Variants in RPS6KA4 observed in about 807,000 individuals in gnomAD.
The protein encoded by RPS6KA4 is ribosomal protein S6 kinase alpha-4.
Under a neutral mutation model 89.6 loss-of-function variants are expected in RPS6KA4, and 38 were observed. That is an observed-to-expected ratio of 0.42 (90% CI 0.33 to 0.56). The LOEUF (loss-of-function observed/expected upper bound fraction) is 0.56. RPS6KA4 is among the 20% of genes least tolerant of loss of function. The pLI is 0.07. For synonymous variants in RPS6KA4, 495 were observed against 492.8 expected, an observed-to-expected ratio of 1.00 and a Z score of -0.06; for missense variants, 873 against 1,098.8, an observed-to-expected ratio of 0.79 and a Z score of 2.90.
chr11:64,368,439 TTC>T (rs2036948160), intron 10 of RPS6KA4, 27 bp from the exon 11 acceptor site: 2 of 1,542,164 alleles, frequency 1.3e-6, no homozygotes, highest in Non-Finnish European at 1.7e-6. Context: ...ACGCGCCGCC[TTC>T]GCCTTCGCCT....
Position 64,368,769 on chromosome 11 carries a change from T to C in RPS6KA4, c.1400T>C (p.Val467Ala). 6.4e-7 allele frequency: 1 copy of C among 1,570,666 alleles called. No homozygotes were observed. The highest frequency in any genetic ancestry group is 8.6e-7 in the Non-Finnish European group (1 of 1,158,740). Residue 467 changes from valine (V) to alanine (A), a missense_variant, in exon 12 of 17, where the codon GTG (valine) becomes GCG (alanine). Around this residue, in one of 4 missense-constraint regions of RPS6KA4, gnomAD observed 542 missense variants for 736.4 expected, o/e 0.74. Transcript: ENST00000334205. ...LRLCQSHPNV[V>A]NLHEVHHDQL... Reference sequence around the variant, plus strand: ...CTGTGCCAGTCACACCCCAACGTGGTGAATCTGCACGAGGTGCATCACGAC... The same window carrying C: ...CTGTGCCAGTCACACCCCAACGTGGCGAATCTGCACGAGGTGCATCACGAC...
rs775711071 is a variant in RPS6KA4, at chr11:64,370,144, G to A, written c.1798-81G>A. The A allele has an allele frequency of 1.4e-4, 202 of 1,456,844 alleles. No individual in the cohort carries two copies. The highest frequency in any genetic ancestry group is 1.7e-4 in the Non-Finnish European group (184 of 1,092,462). The allele number at this position is 1,456,844 out of a possible 1,614,324, so 90.2% of individuals were successfully genotyped here. A position where few individuals can be genotyped will look rare whatever the true frequency, so the allele number is the denominator to read the frequency against. Reference sequence around the variant, plus strand: ...TCTCAGGAGTGCCCCTAGTGGGGAGGGTGAGTGGTTCTGTGGGAGCGGAGG... The same window carrying A: ...TCTCAGGAGTGCCCCTAGTGGGGAGAGTGAGTGGTTCTGTGGGAGCGGAGG... On this transcript the variant is annotated intron_variant, in intron 14 of 16. Transcript: ENST00000334205. This position sits in a 1 kb window ranked among gnomAD's most constrained non-coding sequence, Gnocchi z 4.1.
chr11:64,362,226 C>T (rs376377419), intron 8 of RPS6KA4, among the ~76,000 whole-genome samples: 3 of 152,244 alleles, frequency 2.0e-5, no homozygotes, highest in East Asian at 3.8e-4. Context: ...TTGGGGCTGT[C>T]AGGGATTTGA....
chr11:64,361,996 C>T lies in RPS6KA4; in HGVS notation c.900C>T (p.Phe300=). ...CACAAGAAGTCCGGAACCATCCCTT[C>T]TTCCAGGTGAGGCTGACTCAGGGCC... ...QGAQEVRNHP[F]FQGLDWVALA... The change falls in exon 8 of 17, where the codon TTC becomes TTT. Residue 300 remains phenylalanine (F), a synonymous_variant. Coordinates refer to ENST00000334205, the MANE Select transcript of RPS6KA4 (RefSeq NM_003942.3). This position sits in a 1 kb window ranked among gnomAD's most constrained non-coding sequence, Gnocchi z 4.7. 1 of 1,608,998 alleles carries T rather than the reference C, an allele frequency of 6.2e-7. No homozygotes were observed. Among genetic ancestry groups the T allele is most frequent in the Non-Finnish European group, 8.5e-7 (1 of 1,178,452 alleles).
intron 8 of RPS6KA4, among the ~76,000 whole-genome samples, chr11:64,363,898 C>A (rs138089238): frequency 4.3e-3 from 652 of 152,198 alleles, no homozygotes; most frequent in South Asian, 8.3e-3. Context: ...GCTACATCGA[C>A]AAAAAGTCCA....
At chr11:64,366,670 C>T (rs1380069712) in intron 9 of RPS6KA4, among the ~76,000 whole-genome samples, 2 of 152,160 alleles carry the variant, frequency 1.3e-5, no homozygotes, top group African/African-American at 4.8e-5. Context: ...ACTTGCTGCT[C>T]CTGCTACCTG....
intron 11 of RPS6KA4, 41 bp from the exon 12 acceptor site, chr11:64,368,663 C>T (rs2036959443): frequency 1.3e-6 from 2 of 1,571,374 alleles, no homozygotes; most frequent in Non-Finnish European, 1.7e-6. Flanking sequence ...GGGGCGGGGC[C>T]GAAGCGCGGC....
intron 8 of RPS6KA4, 125 bp from the exon 9 acceptor site, chr11:64,365,176 C>G: frequency 9.0e-7 from 1 of 1,108,144 alleles, no homozygotes; most frequent in Non-Finnish European, 1.3e-6. Context: ...GGAGGAACAG[C>G]TGCCCACCCC....
At chr11:64,369,410 G>A (rs749086608) in intron 12 of RPS6KA4, 36 bp from the exon 13 acceptor site, 2 of 1,541,092 alleles carry the variant, frequency 1.3e-6, no homozygotes, top group Non-Finnish European at 1.7e-6. Flanking sequence ...GCCGCCGTGG[G>A]TGGGTGTTGA....
Position 64,370,853 on chromosome 11 carries a change from C to T in RPS6KA4, c.2121+127C>T, listed in dbSNP as rs894843323. 3.2e-6 allele frequency: 4 copies of T among 1,234,646 alleles called. No individual in the cohort carries two copies. The highest frequency in any genetic ancestry group is 5.9e-5 in the Admixed American group (2 of 34,074). 76.5% of individuals were successfully genotyped at this position (1,234,646 alleles called of 1,614,324 possible). A position where few individuals can be genotyped will look rare whatever the true frequency, so the allele number is the denominator to read the frequency against. ...GGGCGCGGTGGCTCACGCCTGTAAT[C>T]CCAGCGCTTTGGGAGGCCGAGGCGG... On this transcript the variant is annotated intron_variant, in intron 16 of 16. Coordinates refer to ENST00000334205, the MANE Select transcript of RPS6KA4 (RefSeq NM_003942.3). The surrounding 1 kb of genome is among the most constrained non-coding windows in gnomAD (Gnocchi z 4.1).
At position 64,368,570 on chromosome 11, in the gene RPS6KA4, C is replaced by G; in HGVS notation, c.1303C>G (p.Gln435Glu). The change falls in exon 11 of 17, where the codon CAG becomes GAG. Residue 435 changes from glutamine (Q) to glutamate (E), a missense_variant. By Grantham distance (29) the Gln-to-Glu change is conservative. Coordinates refer to ENST00000334205, the MANE Select transcript of RPS6KA4 (RefSeq NM_003942.3). ...CRRCRQRQSG[Q>E]EFAVKILSRR... ...CCGCTGCCGCCAGCGCCAGAGCGGC[C>G]AGGAGTTCGCAGTCAAGATCCTCAG... 6.3e-6 allele frequency: 10 copies of G among 1,599,694 alleles called. No homozygotes were observed. The highest frequency in any genetic ancestry group is 8.5e-6 in the Non-Finnish European group (10 of 1,175,624).
intron 2 of RPS6KA4, chr11:64,359,810 C>A (rs60286097): frequency 2.9e-4 from 155 of 530,916 alleles, no homozygotes; most frequent in African/African-American, 2.8e-3. Flanking sequence ...CGCATCCCTT[C>A]CCCAGCCAGG....
Position 64,361,708 on chromosome 11 carries a change from C to A in RPS6KA4, c.718C>A (p.Leu240Met). Residue 240 changes from leucine to methionine, a missense_variant, in exon 7 of 17, where the codon CTG (leucine) becomes ATG (methionine). Transcript: ENST00000334205. This position sits in a 1 kb window ranked among gnomAD's most constrained non-coding sequence, Gnocchi z 4.7. ...ELLTGASPFTLEGERNTQAEV... is the reference protein window; with the variant it reads ...ELLTGASPFTMEGERNTQAEV... ...GCTGACGGGGGCCTCGCCCTTCACCCTGGAGGGCGAGAGGAACACGCAGGC... is the reference window on the plus strand; with the variant it reads ...GCTGACGGGGGCCTCGCCCTTCACCATGGAGGGCGAGAGGAACACGCAGGC... 6.2e-7 allele frequency: 1 copy of A among 1,610,548 alleles called. No individual in the cohort carries two copies. Among genetic ancestry groups the A allele is most frequent in the Non-Finnish European group, 8.5e-7 (1 of 1,179,152 alleles).
In RPS6KA4 at chr11:64,370,748, A is replaced by C; in HGVS notation, c.2121+22A>C. The C allele has an allele frequency of 6.6e-7, 1 of 1,511,584 alleles. No individual in the cohort carries two copies. The highest frequency in any genetic ancestry group is 2.3e-5 in the East Asian group (1 of 42,612). The allele number at this position is 1,511,584 out of a possible 1,614,324, so 93.6% of individuals were successfully genotyped here. A position where few individuals can be genotyped will look rare whatever the true frequency, so the allele number is the denominator to read the frequency against. The stretch of plus-strand genomic sequence containing the variant: ...CATGGTAAGGGGCAGGGTCTGTTGA[A>C]GGGAAGGGGTGGGCGAAGCCTCGAG... On this transcript the variant is annotated intron_variant, in intron 16 of 16. Transcript: ENST00000334205. This position sits in a 1 kb window ranked among gnomAD's most constrained non-coding sequence, Gnocchi z 4.1.
intron 8 of RPS6KA4, among the ~76,000 whole-genome samples, chr11:64,364,697 A>G (rs1181260468): frequency 6.6e-6 from 1 of 150,624 alleles, no homozygotes; most frequent in Non-Finnish European, 1.5e-5. Flanking sequence ...CTTAGATTTA[A>G]GTCCAGCAGG....
At chr11:64,362,025 T>C in intron 8 of RPS6KA4, 23 bp downstream of exon 8, 1 of 1,599,556 alleles carries the variant, frequency 6.3e-7, no homozygotes, top group Non-Finnish European at 8.5e-7. Context: ...CAGGGCCCCA[T>C]ACCTCCTGGT....
chr11:64,368,241 C>T lies in RPS6KA4; in HGVS notation c.1181C>T (p.Ala394Val). Residue 394 changes from alanine (A) to valine (V), a missense_variant, in exon 10 of 17, where the codon GCC becomes GTC. Around this residue, in one of 4 missense-constraint regions of RPS6KA4, gnomAD observed 542 missense variants for 736.4 expected, o/e 0.74. Coordinates refer to ENST00000334205, the MANE Select transcript of RPS6KA4 (RefSeq NM_003942.3). ...AGDRPGRAAV[A>V]RSAMMQDSPF... ...GACCGGCCAGGTCGGGCAGCGGTGGCCAGGAGCGCTATGATGCAGGTGGGC... is the reference window on the plus strand; with the variant it reads ...GACCGGCCAGGTCGGGCAGCGGTGGTCAGGAGCGCTATGATGCAGGTGGGC... The T allele has an allele frequency of 6.2e-7, 1 of 1,613,348 alleles. No homozygotes were observed. The highest frequency in any genetic ancestry group is 8.5e-7 in the Non-Finnish European group (1 of 1,180,002).
Position 64,370,248 on chromosome 11 carries a change from C to A in RPS6KA4, c.1821C>A (p.Val607=). 1.3e-6 allele frequency: 2 copies of A among 1,570,804 alleles called. No individual in the cohort carries two copies. Among genetic ancestry groups the A allele is most frequent in the Admixed American group, 2.2e-5 (1 of 46,508 alleles). ...AGTACATGATGCTGTCGGGGCAGGTCCCCTTCCAGGGGGCCTCTGGCCAGG... is the reference window on the plus strand; with the variant it reads ...AGTACATGATGCTGTCGGGGCAGGTACCCTTCCAGGGGGCCTCTGGCCAGG... The part of the protein sequence containing the change: ...VILYMMLSGQ[V]PFQGASGQGG... The change falls in exon 15 of 17, where the codon GTC becomes GTA. Residue 607 remains valine (V), a synonymous_variant. Transcript: ENST00000334205. This position sits in a 1 kb window ranked among gnomAD's most constrained non-coding sequence, Gnocchi z 4.1.
rs1383087661 is a variant in RPS6KA4 at position 64,359,248 on chromosome 11, G to A, written c.13G>A (p.Asp5Asn). The change falls in exon 1 of 17, where the codon GAC becomes AAC. Residue 5 changes from aspartate (D) to asparagine (N), a missense_variant. Physicochemically the swap from Asp to Asn is conservative, Grantham distance 23. This residue lies in a region of RPS6KA4 where 49 missense variants were observed against 51.9 expected (regional missense o/e 0.94). Coordinates refer to ENST00000334205, the MANE Select transcript of RPS6KA4 (RefSeq NM_003942.3). ...CGACCCGCCCGCCATGGGGGACGAG[G>A]ACGACGATGAGAGCTGCGCCGTGGA... MGDE[D>N]DDESCAVELR... 8.4e-6 allele frequency: 12 copies of A among 1,429,780 alleles called. No individual in the cohort carries two copies. The highest frequency in any genetic ancestry group is 1.0e-5 in the Non-Finnish European group (11 of 1,081,412). The allele number at this position is 1,429,780 out of a possible 1,614,324, so 88.6% of individuals were successfully genotyped here. A position where few individuals can be genotyped will look rare whatever the true frequency, so the allele number is the denominator to read the frequency against.
Sources: gnomAD v4.1 joint callset for allele counts (sites outside exome capture counted in the v4.1 genomes callset) on GRCh38, gnomAD v4.1.1 for gene constraint, gnomAD v4.1.1 regional missense constraint, Gnocchi (gnomAD v3.1) non-coding constraint, MANE v1.5 for transcripts, NCBI Gene and HGNC (gene_info 2026-07-23, HGNC 2026-07-21) for gene names.